ATP8B4: variants seen among roughly 807,000 people sequenced by gnomAD.
The protein encoded by ATP8B4 is probable phospholipid-transporting ATPase IM.
A neutral mutation model predicts 145.6 loss-of-function variants in ATP8B4; 133 were observed. The ratio of observed to expected loss-of-function variants is 0.91; its 90% CI spans 0.79 to 1.05. ATP8B4 has a LOEUF of 1.05. ATP8B4 is among the 50% of genes least tolerant of loss of function. ATP8B4 has a pLI of 0.00. For missense variants in ATP8B4, 1,458 were observed against 1,425.2 expected, an observed-to-expected ratio of 1.02 and a Z score of -0.37; for synonymous variants, 507 against 492.9, an observed-to-expected ratio of 1.03 and a Z score of -0.38.
chr15:50,060,538 G>A (rs990384397), intron 3 of ATP8B4, among the ~76,000 whole-genome samples: 14 of 152,102 alleles, frequency 9.2e-5, no homozygotes, highest in African/African-American at 3.1e-4. Flanking sequence ...AAATTTGCAT[G>A]GGAATACCTG....
chr15:50,079,059 C>A (rs763471018), intron 2 of ATP8B4, among the ~76,000 whole-genome samples: 1 of 152,000 alleles, frequency 6.6e-6, no homozygotes, highest in Non-Finnish European at 1.5e-5. Flanking sequence ...TAATTGTACA[C>A]TTAAAAATAA....
At position 50,086,495 on chromosome 15, in the gene ATP8B4, A is replaced by AT. The variant is rs2055091843; in HGVS notation, c.29-12311dup. Among the ~76,000 whole-genome samples the AT allele has an allele frequency of 2.6e-5, 2 of 75,850 alleles. 1 individual carries two copies. The highest frequency in any genetic ancestry group is 4.2e-5 in the Non-Finnish European group (2 of 47,138). 49.8% of individuals were successfully genotyped at this position (75,850 alleles called of 152,430 possible). A position where few individuals can be genotyped will look rare whatever the true frequency, so the allele number is the denominator to read the frequency against. ...ATATAATAAAATAATATAGAGATCT[A>AT]TATTTAATTATATATAATAAATATA... On this transcript the variant is annotated intron_variant, in intron 2 of 27. Transcript: ENST00000284509.
At chr15:50,125,413 T>C (rs1487353584) in intron 1 of ATP8B4, among the ~76,000 whole-genome samples, 3 of 152,158 alleles carry the variant, frequency 2.0e-5, no homozygotes, top group East Asian at 3.8e-4. Context: ...ACTTGGGAAG[T>C]GTAGGGTCCA....
intron 23 of ATP8B4, chr15:49,895,544 G>A (rs1224825097): frequency 6.6e-6 from 1 of 152,214 alleles, no homozygotes; most frequent in Non-Finnish European, 1.5e-5. Flanking sequence ...AAAGAAACAT[G>A]TTAGTTAAAT....
At chr15:49,949,376 T>C (rs1333922625) in intron 14 of ATP8B4, among the ~76,000 whole-genome samples, 1 of 152,182 alleles carries the variant, frequency 6.6e-6, no homozygotes, top group African/African-American at 2.4e-5. Flanking sequence ...CTTGAAGAAG[T>C]CCTTCACATC....
intron 1 of ATP8B4, chr15:50,114,278 C>G (rs987819361): frequency 6.6e-6 from 1 of 151,996 alleles, no homozygotes; most frequent in African/African-American, 2.4e-5. Flanking sequence ...TACCCTTTCC[C>G]CCTGAGTCCA....
At chr15:49,903,816 C>T (rs1473370028) in intron 20 of ATP8B4, among the ~76,000 whole-genome samples, 2 of 151,930 alleles carry the variant, frequency 1.3e-5, no homozygotes, top group African/African-American at 4.8e-5. Context: ...ATCACTTGAA[C>T]CTGGGAGGCG....
chr15:50,162,071 CT>C (rs1235656033), intron 1 of ATP8B4, among the ~76,000 whole-genome samples: 1 of 152,012 alleles, frequency 6.6e-6, no homozygotes, highest in African/African-American at 2.4e-5. Context: ...ACCTTCAGCA[CT>C]TTAAATATGT....
chr15:50,178,906 G>T (rs547452261), intron 1 of ATP8B4, among the ~76,000 whole-genome samples: 2 of 152,186 alleles, frequency 1.3e-5, no homozygotes, highest in African/African-American at 4.8e-5. Context: ...GAAAAATTAA[G>T]AAGTCGTTAC....
At chr15:50,040,765 T>A (rs951054315) in intron 5 of ATP8B4, among the ~76,000 whole-genome samples, 4 of 152,176 alleles carry the variant, frequency 2.6e-5, no homozygotes, top group Admixed American at 2.6e-4. Context: ...CTGGAAGGAT[T>A]AGAAATGGTA....
At chr15:49,927,558 C>T (rs1204116223) in intron 16 of ATP8B4, among the ~76,000 whole-genome samples, 2 of 152,104 alleles carry the variant, frequency 1.3e-5, no homozygotes, top group African/African-American at 4.8e-5. Flanking sequence ...TGTGGTAGAG[C>T]ACTACCTTTC....
At chr15:49,873,603 C>T (rs2033967245) in intron 25 of ATP8B4, among the ~76,000 whole-genome samples, 1 of 151,928 alleles carries the variant, frequency 6.6e-6, no homozygotes, top group South Asian at 2.1e-4. Context: ...TTTAATTTTT[C>T]CCTGCATTTT....
intron 14 of ATP8B4, among the ~76,000 whole-genome samples, chr15:49,950,241 C>T (rs986498303): frequency 3.3e-5 from 5 of 152,190 alleles, no homozygotes; most frequent in African/African-American, 7.2e-5. Context: ...ATGGTACCAG[C>T]TCCTCCTTGT....
intron 14 of ATP8B4, among the ~76,000 whole-genome samples, chr15:49,950,317 A>G (rs1381721946): frequency 6.6e-6 from 1 of 152,072 alleles, no homozygotes; most frequent in Non-Finnish European, 1.5e-5. Flanking sequence ...TAGGCTATTA[A>G]TTACTGCCTC....
At chr15:49,974,791 G>A (rs554900473) in intron 12 of ATP8B4, among the ~76,000 whole-genome samples, 2 of 152,040 alleles carry the variant, frequency 1.3e-5, no homozygotes, top group Non-Finnish European at 2.9e-5. Flanking sequence ...TTCCAAATAA[G>A]AAGATTTTAC....
intron 2 of ATP8B4, among the ~76,000 whole-genome samples, chr15:50,082,284 C>A (rs2054603090): frequency 6.6e-6 from 1 of 152,116 alleles, no homozygotes; most frequent in Admixed American, 6.5e-5. Flanking sequence ...AAAAATGTGT[C>A]CCCAGTTGGG....
chr15:49,926,670 A>T (rs2040753191), intron 16 of ATP8B4, among the ~76,000 whole-genome samples: 6 of 152,234 alleles, frequency 3.9e-5, no homozygotes, highest in Non-Finnish European at 2.9e-5. Flanking sequence ...ATTCTCCCTT[A>T]GCTTGAAGGC....
chr15:49,919,405 T>A (rs1041743198), intron 18 of ATP8B4, among the ~76,000 whole-genome samples: 1 of 151,990 alleles, frequency 6.6e-6, no homozygotes, highest in African/African-American at 2.4e-5. Flanking sequence ...CCTGCATGAT[T>A]TTTCCTTTTC....
chr15:50,158,656 A>C (rs2044468414), intron 1 of ATP8B4, among the ~76,000 whole-genome samples: 1 of 152,254 alleles, frequency 6.6e-6, no homozygotes, highest in African/African-American at 2.4e-5. Context: ...GTTTTGTGGA[A>C]TAGAAAAGGG....
Sources: gnomAD v4.1 joint callset for allele counts (sites outside exome capture counted in the v4.1 genomes callset) on GRCh38, gnomAD v4.1.1 for gene constraint, MANE v1.5 for transcripts, NCBI Gene and HGNC (gene_info 2026-07-23, HGNC 2026-07-21) for gene names.